Variants in ARHGEF25 observed in about 807,000 individuals in gnomAD.
The protein encoded by ARHGEF25 is RAC/CDC42 exchange factor.
ARHGEF25 carries 42 observed loss-of-function variants against 74.0 expected under a neutral mutation model. The ratio of observed to expected loss-of-function variants is 0.57; its 90% CI spans 0.44 to 0.73. The LOEUF is 0.73. ARHGEF25 is among the 30% of genes least tolerant of loss of function. The pLI is 0.00. For missense variants in ARHGEF25, 645 were observed against 725.5 expected (o/e 0.89, Z 1.27); for synonymous variants, 293 against 278.6 (o/e 1.05, Z -0.51).
chr12:57,614,952 T>C lies in ARHGEF25; in HGVS notation c.910-15T>C. 1 of 1,613,996 alleles carries C rather than the reference T, an allele frequency of 6.2e-7. No individual in the cohort carries two copies. The highest frequency in any genetic ancestry group is 8.5e-7 in the Non-Finnish European group (1 of 1,179,936). On this transcript the variant is annotated splice_polypyrimidine_tract_variant and intron_variant, in intron 9 of 14. Coordinates refer to ENST00000286494, the MANE Select transcript of ARHGEF25 (RefSeq NM_182947.4). This position sits in a 1 kb window ranked among gnomAD's most constrained non-coding sequence, Gnocchi z 4.6. Reference sequence around the variant, plus strand: ...TCCTCGTGACCTCCCTGAGCATTTCTTCTCTCTGTCTTAGGATTTTCTCAA... The same window carrying C: ...TCCTCGTGACCTCCCTGAGCATTTCCTCTCTCTGTCTTAGGATTTTCTCAA...
intron 4 of ARHGEF25, 29 bp from the exon 5 acceptor site, chr12:57,613,665 G>A (rs1884153718): frequency 6.2e-7 from 1 of 1,613,518 alleles, no homozygotes; most frequent in Non-Finnish European, 8.5e-7. Context: ...CGACGCTGAA[G>A]TGGGGGCCTC....
upstream of ARHGEF25, chr12:57,610,811 G>A (rs2140217997): frequency 1.4e-6 from 1 of 721,578 alleles, no homozygotes; most frequent in Non-Finnish European, 2.1e-6. Flanking sequence ...TAATCGCAGA[G>A]ACCTCCACTC....
At chr12:57,610,570 C>A (rs764009524), upstream of ARHGEF25, 1 of 1,607,828 alleles carries the variant, frequency 6.2e-7, no homozygotes, top group Admixed American at 1.7e-5. Context: ...GTCCCCGCAG[C>A]CCCCAAGGAG....
upstream of ARHGEF25, chr12:57,611,403 C>A: frequency 1.0e-6 from 1 of 982,382 alleles, no homozygotes; most frequent in Non-Finnish European, 1.2e-6. The surrounding 1 kb of genome is among the most constrained non-coding windows in gnomAD (Gnocchi z 4.5). Context: ...GCAGAGGCCC[C>A]GCCTCGTGGC....
chr12:57,610,976 C>CT (rs1404711143), upstream of ARHGEF25, among the ~76,000 whole-genome samples: 6 of 152,276 alleles, frequency 3.9e-5, no homozygotes, highest in African/African-American at 1.4e-4. Flanking sequence ...GTCCCGGGGC[C>CT]TGGAGGAAAG....
At chr12:57,612,444 C>T (rs748544229) in intron 1 of ARHGEF25, 19 of 165,730 alleles carry the variant, frequency 1.1e-4, no homozygotes, top group Non-Finnish European at 1.8e-4. Context: ...ATTGGGTCTA[C>T]GCATGTGTTG....
chr12:57,613,039 A>T lies in ARHGEF25; in HGVS notation c.207A>T (p.Pro69=), dbSNP rs1485660596. The T allele has an allele frequency of 2.5e-6, 4 of 1,614,000 alleles. No individual in the cohort carries two copies. In the African/African-American group the frequency reaches 5.3e-5, roughly 22 times the overall value. ...SSGLSSGPCS[P]GPPGPVSGLR... ...GCCTCAGCTCTGGCCCCTGTTCCCC[A>T]GGCCCCCCAGGGCCCGTCAGTGGCC... Residue 69 remains proline, a synonymous_variant, in exon 2 of 15, where the codon CCA becomes CCT. Transcript: ENST00000286494.
chr12:57,613,581 A>G (rs1334550892), intron 4 of ARHGEF25, 65 bp downstream of exon 4: 6 of 1,612,234 alleles, frequency 3.7e-6, no homozygotes, highest in Admixed American at 3.3e-5. Flanking sequence ...CACATTTTAG[A>G]TGGAATTTCC....
intron 12 of ARHGEF25, 41 bp from the exon 13 acceptor site, chr12:57,615,796 G>T: frequency 6.2e-7 from 1 of 1,612,564 alleles, no homozygotes; most frequent in East Asian, 2.2e-5. Flanking sequence ...GCCAGGGAGG[G>T]CCTGAGGAAT....
Position 57,611,672 on chromosome 12 carries a change from G to A in ARHGEF25, c.-223G>A, listed in dbSNP as rs1284900200. The A allele has an allele frequency of 7.2e-6, 8 of 1,110,322 alleles. No homozygotes were observed. Among genetic ancestry groups the A allele is most frequent in the Admixed American group, 5.1e-5 (1 of 19,770 alleles). The allele number at this position is 1,110,322 out of a possible 1,614,324, so 68.8% of individuals were successfully genotyped here. A position where few individuals can be genotyped will look rare whatever the true frequency, so the allele number is the denominator to read the frequency against. The stretch of plus-strand genomic sequence containing the variant: ...ACCCTCCCCGCCCAGCCCGGCGGCC[G>A]GGCCCCGCGCCTCTCTCTCTCTAGA... On this transcript the variant is annotated 5_prime_UTR_variant, in exon 1 of 15. Transcript: ENST00000286494. The surrounding 1 kb of genome is among the most constrained non-coding windows in gnomAD (Gnocchi z 4.5).
At chr12:57,612,743 T>C in intron 1 of ARHGEF25, 187 bp from the exon 2 acceptor site, 3 of 1,474,082 alleles carry the variant, frequency 2.0e-6, no homozygotes, top group East Asian at 4.6e-5. Context: ...TACCTTACTG[T>C]GCTTTCTCCC....
In ARHGEF25 at chr12:57,612,309, G is replaced by C. The variant is rs1884088885; in HGVS notation, c.97+318G>C. The C allele has an allele frequency of 1.7e-5, 3 of 175,474 alleles. No individual in the cohort carries two copies. In the Admixed American group the frequency reaches 1.9e-4, roughly 11 times the overall value. 10.9% of individuals were successfully genotyped at this position (175,474 alleles called of 1,614,324 possible). A position where few individuals can be genotyped will look rare whatever the true frequency, so the allele number is the denominator to read the frequency against. On this transcript the variant is annotated intron_variant, in intron 1 of 14. Transcript: ENST00000286494. ...TTGCTAAGAATCTACTTCTGAAGAG[G>C]GACAGGAGAATGGAGGAATGAGAAT...
upstream of ARHGEF25, chr12:57,610,547 T>C: frequency 1.3e-6 from 2 of 1,592,984 alleles, no homozygotes; most frequent in Non-Finnish European, 1.7e-6. Flanking sequence ...GGCAGGTTCC[T>C]TACAGTGGTT....
chr12:57,616,541 G>A (rs1357936226), intron 14 of ARHGEF25, 46 bp downstream of exon 14: 1 of 1,571,686 alleles, frequency 6.4e-7, no homozygotes, highest in Non-Finnish European at 8.7e-7. Context: ...AAAGGGGAGA[G>A]CCTCTCTTGT....
intron 1 of ARHGEF25, 76 bp downstream of exon 1, chr12:57,612,067 C>G (rs1303741082): frequency 7.7e-6 from 9 of 1,174,974 alleles, no homozygotes; most frequent in Non-Finnish European, 9.9e-6. Context: ...TTGCCCTGGC[C>G]CTTGGGATTT....
upstream of ARHGEF25, chr12:57,610,329 C>A: frequency 7.0e-7 from 1 of 1,435,130 alleles, no homozygotes; most frequent in Non-Finnish European, 9.2e-7. Flanking sequence ...AGAATGGGGG[C>A]TCGCGGTGGG....
chr12:57,610,364 G>A (rs1176751946), upstream of ARHGEF25: 5 of 1,341,232 alleles, frequency 3.7e-6, no homozygotes, highest in Non-Finnish European at 5.0e-6. Context: ...GGGGCCTTCA[G>A]GAGGGCTGCA....
At position 57,614,466 on chromosome 12, in the gene ARHGEF25, G is replaced by T. The variant is rs375625912; in HGVS notation, c.727-50G>T. ...ATGGGCTGGGATTCTCTGGAGATGC[G>T]TCCTCCCTCCTTGCCCACCCTGCTC... On this transcript the variant is annotated intron_variant, in intron 7 of 14. Transcript: ENST00000286494. The surrounding 1 kb of genome is among the most constrained non-coding windows in gnomAD (Gnocchi z 4.6). The T allele has an allele frequency of 1.1e-5, 17 of 1,613,676 alleles. No homozygotes were observed. Among genetic ancestry groups the T allele is most frequent in the Non-Finnish European group, 1.4e-5 (17 of 1,179,818 alleles).
At chr12:57,610,174 T>G, upstream of ARHGEF25, 1 of 1,212,280 alleles carries the variant, frequency 8.2e-7, no homozygotes, top group Non-Finnish European at 1.2e-6. Context: ...CCAGCTTCAG[T>G]GCCCCCTCGA....
Sources: gnomAD v4.1 joint callset for allele counts (sites outside exome capture counted in the v4.1 genomes callset) on GRCh38, gnomAD v4.1.1 for gene constraint, Gnocchi (gnomAD v3.1) non-coding constraint, MANE v1.5 for transcripts, NCBI Gene and HGNC (gene_info 2026-07-23, HGNC 2026-07-21) for gene names.